DLG2: variants seen among roughly 807,000 people sequenced by gnomAD.
The protein encoded by DLG2 is disks large homolog 2.
Under a neutral mutation model 132.5 loss-of-function variants are expected in DLG2, and 45 were observed. That is an observed-to-expected ratio of 0.34 (90% CI 0.27 to 0.44). DLG2 has a LOEUF of 0.44. DLG2 is among the 20% of genes least tolerant of loss of function. The pLI, the probability that DLG2 is intolerant of heterozygous loss-of-function variation, is 1.00. For synonymous variants in DLG2, 424 were observed against 419.6 expected, an observed-to-expected ratio of 1.01 and a Z score of -0.13; for missense variants, 1,045 against 1,196.9, an observed-to-expected ratio of 0.87 and a Z score of 1.87.
intron 7 of DLG2, among the ~76,000 whole-genome samples, chr11:84,286,184 T>C (rs2097908223): frequency 6.6e-6 from 1 of 152,190 alleles, no homozygotes; most frequent in Non-Finnish European, 1.5e-5. Flanking sequence ...TCACGTGTTG[T>C]CCTTGTAGTC....
At chr11:85,245,947 T>C (rs1439502117) in intron 4 of DLG2, among the ~76,000 whole-genome samples, 4 of 151,986 alleles carry the variant, frequency 2.6e-5, no homozygotes, top group Non-Finnish European at 5.9e-5. Context: ...TCTTTTAAGA[T>C]TTTGCTCAAT....
At chr11:83,922,864 C>T (rs887325265) in intron 15 of DLG2, among the ~76,000 whole-genome samples, 1 of 152,090 alleles carries the variant, frequency 6.6e-6, no homozygotes, top group Non-Finnish European at 1.5e-5. Flanking sequence ...AAGTGCCTGG[C>T]TACTGATCTG....
chr11:83,481,486 A>G (rs2093105732), intron 22 of DLG2, among the ~76,000 whole-genome samples: 2 of 152,258 alleles, frequency 1.3e-5, no homozygotes, highest in South Asian at 2.1e-4. Context: ...AATAATATAT[A>G]AAATTATTCT....
At chr11:84,523,144 A>C (rs2099309627) in intron 7 of DLG2, among the ~76,000 whole-genome samples, 1 of 152,170 alleles carries the variant, frequency 6.6e-6, no homozygotes, top group African/African-American at 2.4e-5. Context: ...AGAGTTAACT[A>C]ATCTTAAATT....
At chr11:85,325,545 ACCTGCAGCTGAGGG>A (rs2081406997) in intron 3 of DLG2, among the ~76,000 whole-genome samples, 1 of 129,508 alleles carries the variant, frequency 7.7e-6, no homozygotes, top group Non-Finnish European at 1.6e-5. Context: ...ATTCCAACAG[ACCTGCAGCTGAGGG>A]TCCTGTCTGT....
chr11:85,467,816 T>A (rs185417607), intron 3 of DLG2, among the ~76,000 whole-genome samples: 1 of 152,222 alleles, frequency 6.6e-6, no homozygotes, highest in Non-Finnish European at 1.5e-5. Context: ...AGGATGATGC[T>A]GGCTTCATAA....
At chr11:84,770,812 ATT>A (rs529457483) in intron 6 of DLG2, among the ~76,000 whole-genome samples, 16 of 141,722 alleles carry the variant, frequency 1.1e-4, no homozygotes, top group African/African-American at 1.0e-4. Flanking sequence ...CGCCTGGCTA[ATT>A]TTTTTTTTTT....
chr11:83,906,266 C>CAG (rs66535839), intron 15 of DLG2, among the ~76,000 whole-genome samples: 3,705 of 52,162 alleles, frequency 0.071, 160 homozygotes, highest in Admixed American at 0.13. Context: ...CTCACACACA[C>CAG]ACACACACAC....
Position 83,677,519 on chromosome 11 carries a change from G to T in DLG2, c.1826-44194C>A, listed in dbSNP as rs2077953401. On this transcript the variant is annotated intron_variant, in intron 18 of 27. Coordinates refer to ENST00000376104, the MANE Select transcript of DLG2 (RefSeq NM_001142699.3). Reference sequence around the variant, plus strand: ...CAGGAATTGCTATACCTGCTTTATAGCTAAGGAAAGCAAAGTTGCAAGGTT... The same window carrying T: ...CAGGAATTGCTATACCTGCTTTATATCTAAGGAAAGCAAAGTTGCAAGGTT... 7.2e-5 allele frequency among the ~76,000 whole-genome samples: 11 copies of T among 152,196 alleles called. No individual in the cohort carries two copies. The South Asian group carries it at 2.3e-3, about 32-fold the overall frequency.
At chr11:84,943,963 G>A (rs2049845100) in intron 6 of DLG2, among the ~76,000 whole-genome samples, 1 of 151,978 alleles carries the variant, frequency 6.6e-6, no homozygotes, top group Admixed American at 6.6e-5. Context: ...TTGTTTGTCT[G>A]GGAAAGTCTT....
Position 85,028,186 on chromosome 11 carries a change from G to A in DLG2, c.357+83475C>T, listed in dbSNP as rs150239614. The stretch of plus-strand genomic sequence containing the variant: ...TTGTCCTGACAAGACAACAGCAACC[G>A]AATTGGGTAGTTCTTTCCCACAGCT... On this transcript the variant is annotated intron_variant, in intron 6 of 27. Coordinates refer to ENST00000376104, the MANE Select transcript of DLG2 (RefSeq NM_001142699.3). Among the ~76,000 whole-genome samples, 8 of 152,242 alleles carry A rather than the reference G, an allele frequency of 5.3e-5. No individual in the cohort carries two copies. The East Asian group carries it at 9.7e-4, about 18-fold the overall frequency.
At chr11:84,379,676 T>C (rs1439330955) in intron 7 of DLG2, among the ~76,000 whole-genome samples, 4 of 152,096 alleles carry the variant, frequency 2.6e-5, no homozygotes, top group African/African-American at 7.2e-5. Flanking sequence ...TCAGGCACTA[T>C]TTCCCTCTTC....
chr11:84,856,445 G>T (rs988904283), intron 6 of DLG2, among the ~76,000 whole-genome samples: 1 of 151,980 alleles, frequency 6.6e-6, no homozygotes, highest in Admixed American at 6.6e-5. Context: ...TCCTCTCTCT[G>T]AAGATGACTC....
intron 3 of DLG2, among the ~76,000 whole-genome samples, chr11:85,486,308 A>G (rs925117566): frequency 2.1e-4 from 31 of 147,794 alleles, no homozygotes; most frequent in Admixed American, 1.2e-3. Context: ...CTTGCCCACA[A>G]TGCTCTAACT....
intron 15 of DLG2, among the ~76,000 whole-genome samples, chr11:83,904,371 C>A (rs2074212675): frequency 7.1e-6 from 1 of 140,808 alleles, no homozygotes; most frequent in African/African-American, 2.7e-5. Flanking sequence ...GTGTTATAAG[C>A]ACAATGTGAC....
intron 6 of DLG2, among the ~76,000 whole-genome samples, chr11:84,934,557 C>G (rs2048518178): frequency 1.7e-5 from 1 of 59,282 alleles, no homozygotes; most frequent in Non-Finnish European, 3.0e-5. Context: ...GGTGGGTAGG[C>G]TATTTATTAC....
chr11:84,241,726 A>C (rs1485020449), intron 8 of DLG2, among the ~76,000 whole-genome samples: 3 of 152,188 alleles, frequency 2.0e-5, no homozygotes, highest in Non-Finnish European at 4.4e-5. Flanking sequence ...CCTCCACTTC[A>C]GTTTAGCAAC....
rs948996492 is a variant in DLG2, at chr11:83,846,564, TA to T, written c.1566-12795del. Among the ~76,000 whole-genome samples, 22 of 152,178 alleles carry T rather than the reference TA, an allele frequency of 1.4e-4. 1 individual carries two copies. Among genetic ancestry groups the T allele is most frequent in the African/African-American group, 4.3e-4 (18 of 41,464 alleles). On this transcript the variant is annotated intron_variant, in intron 16 of 27. Transcript: ENST00000376104. ...AGGGGCTTTGATTGAGGCTGTAACA[TA>T]AGGTCTTGGATTTAACTGCTAAGAT...
chr11:85,538,740 A>G (rs941584473), intron 3 of DLG2, among the ~76,000 whole-genome samples: 4 of 151,834 alleles, frequency 2.6e-5, no homozygotes, highest in Non-Finnish European at 5.9e-5. Context: ...TAACACAGGG[A>G]CAGAAAACCA....
Sources: gnomAD v4.1 joint callset for allele counts (sites outside exome capture counted in the v4.1 genomes callset) on GRCh38, gnomAD v4.1.1 for gene constraint, MANE v1.5 for transcripts, NCBI Gene and HGNC (gene_info 2026-07-23, HGNC 2026-07-21) for gene names.